Variants in TNC observed in about 807,000 individuals in gnomAD.
The protein encoded by TNC is tenascin.
TNC carries 109 observed loss-of-function variants against 202.4 expected under a neutral mutation model. The observed-to-expected ratio is 0.54, with a 90% confidence interval of 0.46 to 0.63. The LOEUF (loss-of-function observed/expected upper bound fraction) is 0.63, where lower values mean the gene tolerates loss of function less well. TNC is among the 30% of genes least tolerant of loss of function. The probability of loss-of-function intolerance (pLI) is 0.00; values close to 1 mark genes in which losing one functional copy is unlikely to be tolerated. For synonymous variants in TNC, 1,007 were observed against 1,089.7 expected, an observed-to-expected ratio of 0.92 and a Z score of 1.50; for missense variants, 2,756 against 2,833.3, an observed-to-expected ratio of 0.97 and a Z score of 0.62.
chr9:115,028,208 C>A (rs985480437), intron 25 of TNC, among the ~76,000 whole-genome samples: 10 of 152,110 alleles, frequency 6.6e-5, no homozygotes, highest in Non-Finnish European at 1.3e-4. Context: ...TCCATAAATA[C>A]CCCTAAGGAA....
At chr9:115,078,329 G>T in intron 6 of TNC, 117 bp from the exon 7 acceptor site, 1 of 1,231,698 alleles carries the variant, frequency 8.1e-7, no homozygotes, top group South Asian at 2.1e-5. Flanking sequence ...CTAACTGCTT[G>T]ACTTTACTTT....
intron 10 of TNC, among the ~76,000 whole-genome samples, chr9:115,071,832 G>A (rs1588125095): frequency 6.6e-6 from 1 of 152,276 alleles, no homozygotes; most frequent in Non-Finnish European, 1.5e-5. Context: ...TTTATAACAA[G>A]CTCATGTTTA....
chr9:115,090,466 A>G (rs1224744641), intron 2 of TNC, 96 bp downstream of exon 2: 11 of 997,412 alleles, frequency 1.1e-5, no homozygotes, highest in Non-Finnish European at 1.2e-5. Context: ...CTAGTTTTCT[A>G]GTGAGCCCAC....
chr9:115,033,355 G>A (rs1411327773), intron 22 of TNC, among the ~76,000 whole-genome samples: 1 of 152,088 alleles, frequency 6.6e-6, no homozygotes, highest in Non-Finnish European at 1.5e-5. Context: ...CAACTGTCAG[G>A]GATAAAGCTG....
Position 115,020,662 on chromosome 9 carries a change from A to G in TNC, c.*495T>C, listed in dbSNP as rs1336158694. On this transcript the variant is annotated 3_prime_UTR_variant, in exon 28 of 28. Coordinates refer to ENST00000350763, the MANE Select transcript of TNC (RefSeq NM_002160.4). ...CATCATCATCATTATTATATTAATA[A>G]TATTAATCATATCCTTAAAATGGAA... The G allele has an allele frequency of 2.8e-6, 1 of 353,976 alleles. No homozygotes were observed. Among genetic ancestry groups the G allele is most frequent in the Admixed American group, 3.5e-5 (1 of 28,298 alleles). The allele number at this position is 353,976 out of a possible 1,614,324, so 21.9% of individuals were successfully genotyped here. A position where few individuals can be genotyped will look rare whatever the true frequency, so the allele number is the denominator to read the frequency against.
chr9:115,092,489 A>G (rs1835304088), intron 1 of TNC, among the ~76,000 whole-genome samples: 1 of 152,222 alleles, frequency 6.6e-6, no homozygotes, highest in Non-Finnish European at 1.5e-5. Context: ...AGAATGATCT[A>G]TACACGATAT....
intron 18 of TNC, 70 bp downstream of exon 18, chr9:115,042,148 CA>C: frequency 1.9e-6 from 3 of 1,547,280 alleles, no homozygotes; most frequent in Non-Finnish European, 2.6e-6. Flanking sequence ...TGAAAATTAT[CA>C]GGGTCTTTTT....
rs745706354 is a variant in TNC, at chr9:115,078,030, G to A, written c.2587C>T (p.Leu863=). The change falls in exon 7 of 28, where the codon CTG becomes TTG. Residue 863 remains leucine, a synonymous_variant. Transcript: ENST00000350763. ...ACCTCGTACTCAGTGTCAGGCTTCA[G>A]GTTCCCGATGGAGTACTGGTTCTCG... ...EDENQYSIGN[L]KPDTEYEVSL... 2 of 1,614,240 alleles carry A rather than the reference G, an allele frequency of 1.2e-6. No homozygotes were observed. Among genetic ancestry groups the A allele is most frequent in the East Asian group, 2.2e-5 (1 of 44,882 alleles).
chr9:115,052,655 A>T (rs1244003170), intron 15 of TNC: 1 of 625,552 alleles, frequency 1.6e-6, no homozygotes, highest in East Asian at 2.7e-5. Flanking sequence ...TGCAGTGAAG[A>T]TTGTATTTTT....
rs1829952101 is a variant in TNC, at chr9:115,031,599, G to A, written c.5874C>T (p.Leu1958=). 2 of 1,610,282 alleles carry A rather than the reference G, an allele frequency of 1.2e-6. No individual in the cohort carries two copies. Among genetic ancestry groups the A allele is most frequent in the African/African-American group, 2.7e-5 (2 of 74,796 alleles). ...STHYTAKIQA[L]NGPLRSNMIQ... is the part of the protein sequence containing the mutation. ...TCATATTGCTCCTCAGGGGCCCATT[G>A]AGTGCCTGGATCTTGGCTGTGTAGT... Residue 1958 remains leucine (L), a synonymous_variant, in exon 23 of 28, where the codon CTC becomes CTT. Transcript: ENST00000350763.
At chr9:115,038,112 G>T in intron 20 of TNC, 149 bp downstream of exon 20, 1 of 994,628 alleles carries the variant, frequency 1.0e-6, no homozygotes, top group Non-Finnish European at 1.4e-6. Flanking sequence ...GTTTCAGTTG[G>T]GAGCCACATG....
chr9:115,055,069 A>G (rs1832002821), intron 15 of TNC, among the ~76,000 whole-genome samples: 1 of 113,726 alleles, frequency 8.8e-6, no homozygotes, highest in South Asian at 2.8e-4. Flanking sequence ...CTTTCTGACC[A>G]AGTCACCAGA....
chr9:115,111,429 A>ATTTTTTTTTTTTTTTTT (rs1837055817), intron 1 of TNC, among the ~76,000 whole-genome samples: 2 of 69,862 alleles, frequency 2.9e-5, no homozygotes, highest in African/African-American at 1.2e-4. Context: ...TTTTTTTGAG[A>ATTTTTTTTTTTTTTTTT]TGGAATCTCG....
rs371203701 is a variant in TNC, at chr9:115,046,668, C to T, written c.4867G>A (p.Val1623Ile). 3.1e-6 allele frequency: 5 copies of T among 1,612,832 alleles called. No homozygotes were observed. The African/African-American group carries it at 5.3e-5, about 17-fold the overall frequency. The change falls in exon 17 of 28, where the codon GTT becomes ATT. Residue 1623 changes from valine to isoleucine, a missense_variant. Physicochemically the swap from Val to Ile is conservative, Grantham distance 29 (BLOSUM62 3). Around this residue, in one of 2 missense-constraint regions of TNC, gnomAD observed 2,559 missense variants for 2,546.0 expected, o/e 1.01. Coordinates refer to ENST00000350763, the MANE Select transcript of TNC (RefSeq NM_002160.4). ...GCATCTGAAACCAGAAGGTTGTCAA[C>T]TTCCGGTTCGGCTTCTAGAGGGAGA... ...AEIVTEAEPE[V>I]DNLLVSDATP...
Position 115,086,284 on chromosome 9 carries a change from C to T in TNC, c.1447G>A (p.Gly483Ser). ...TAGCCGTCATCACAAACACACATGCCATTCACACAGCGGCCGTGCTGGTGA... is the reference window on the plus strand; with the variant it reads ...TAGCCGTCATCACAAACACACATGCTATTCACACAGCGGCCGTGCTGGTGA... ...DCHQHGRCVN[G>S]MCVCDDGYTG... is the part of the protein sequence containing the mutation. The change falls in exon 3 of 28, where the codon GGC becomes AGC. Residue 483 changes from glycine to serine, a missense_variant. Gly to Ser is a moderately conservative substitution (Grantham distance 56, BLOSUM62 0). Transcript: ENST00000350763. 8 of 1,614,246 alleles carry T rather than the reference C, an allele frequency of 5.0e-6. No homozygotes were observed. Among genetic ancestry groups the T allele is most frequent in the Non-Finnish European group, 6.8e-6 (8 of 1,180,044 alleles).
intron 6 of TNC, among the ~76,000 whole-genome samples, chr9:115,081,080 C>G (rs1265171866): frequency 6.6e-6 from 1 of 152,040 alleles, no homozygotes; most frequent in Admixed American, 6.5e-5. Context: ...AAACCAGAGC[C>G]TAGTCAATGT....
intron 25 of TNC, among the ~76,000 whole-genome samples, chr9:115,028,323 C>T (rs56961588): frequency 0.15 from 23,143 of 152,040 alleles, 1,926 homozygotes; most frequent in Middle Eastern, 0.2. Context: ...CTTACCAACC[C>T]ACTAGTCAAC....
intron 1 of TNC, among the ~76,000 whole-genome samples, chr9:115,109,133 G>A (rs1172892564): frequency 1.3e-5 from 2 of 152,150 alleles, no homozygotes; most frequent in African/African-American, 4.8e-5. Context: ...CCCTTTTTTA[G>A]GTGATTCCCA....
chr9:115,060,315 G>A (rs1190444093), intron 13 of TNC, among the ~76,000 whole-genome samples: 11 of 152,148 alleles, frequency 7.2e-5, no homozygotes, highest in South Asian at 6.2e-4. Context: ...AGGATTGTGG[G>A]TTAGGGTAAG....
Sources: allele counts gnomAD v4.1 joint callset (sites outside exome capture counted in the v4.1 genomes callset), GRCh38; gene constraint gnomAD v4.1.1; regional missense constraint gnomAD v4.1.1; transcripts MANE v1.5; gene names NCBI Gene and HGNC (gene_info 2026-07-23, HGNC 2026-07-21).